The following NRG2 variants were observed in gnomAD, a reference collection of about 807,000 sequenced individuals.
NRG2 encodes pro-neuregulin-2, membrane-bound isoform.
A neutral mutation model predicts 73.9 loss-of-function variants in NRG2; 27 were observed. The ratio of observed to expected loss-of-function variants is 0.37; its 90% CI spans 0.27 to 0.50. The LOEUF (loss-of-function observed/expected upper bound fraction) is 0.50. Ranked by LOEUF, NRG2 falls within the 20% of genes least tolerant of loss-of-function variation. NRG2 has a pLI of 0.96. For missense variants in NRG2, 1,126 were observed against 1,210.1 expected (o/e 0.93, Z 1.03); for synonymous variants, 532 against 541.0 (o/e 0.98, Z 0.23).
rs1446395433 is a variant in NRG2, at chr5:139,868,511, T to C, written c.1113-2886A>G. Among the ~76,000 whole-genome samples, 5 of 151,806 alleles carry C rather than the reference T, an allele frequency of 3.3e-5. No homozygotes were observed. Among genetic ancestry groups the C allele is most frequent in the Non-Finnish European group, 7.4e-5 (5 of 67,964 alleles). On this transcript the variant is annotated intron_variant, in intron 4 of 9. Transcript: ENST00000361474. This position sits in a 1 kb window ranked among gnomAD's most constrained non-coding sequence, Gnocchi z 4.2. ...AGCCTTCCCAGCCTTTCCCACCAGG[T>C]CATCAGTTATGACTCTGGGGAAGGT...
intron 1 of NRG2, among the ~76,000 whole-genome samples, chr5:139,902,757 A>C (rs1764970222): frequency 6.6e-6 from 1 of 152,164 alleles, no homozygotes; most frequent in Admixed American, 6.5e-5. Context: ...AACCAAATCC[A>C]TAAATTTTCG....
intron 1 of NRG2, among the ~76,000 whole-genome samples, chr5:139,925,668 G>A (rs1411397737): frequency 6.6e-6 from 1 of 152,244 alleles, no homozygotes; most frequent in Non-Finnish European, 1.5e-5. Flanking sequence ...AACTGAGAGA[G>A]GGGAAAAGCA....
intron 1 of NRG2, among the ~76,000 whole-genome samples, chr5:139,929,786 G>A (rs1752329761): frequency 1.3e-5 from 2 of 152,156 alleles, no homozygotes; most frequent in Admixed American, 1.3e-4. Context: ...CCTTCCTCTG[G>A]CTGGGGCTTG....
chr5:139,990,001 G>T (rs1014933658), intron 1 of NRG2, among the ~76,000 whole-genome samples: 1 of 151,288 alleles, frequency 6.6e-6, no homozygotes. Context: ...TGTTAGCCAG[G>T]ATGGTCTTGA....
intron 2 of NRG2, among the ~76,000 whole-genome samples, chr5:139,886,988 G>T (rs1385727959): frequency 6.6e-6 from 1 of 152,236 alleles, no homozygotes; most frequent in African/African-American, 2.4e-5. Flanking sequence ...ATTGCCAAAT[G>T]TTGGGGCTTT....
chr5:139,898,618 C>G (rs1229401829), intron 1 of NRG2, among the ~76,000 whole-genome samples: 1 of 152,236 alleles, frequency 6.6e-6, no homozygotes, highest in Non-Finnish European at 1.5e-5. Context: ...TCACCACATG[C>G]ACATTCTGAT....
At chr5:139,998,532 A>C (rs1471401014) in intron 1 of NRG2, among the ~76,000 whole-genome samples, 1 of 152,176 alleles carries the variant, frequency 6.6e-6, no homozygotes, top group African/African-American at 2.4e-5. Context: ...CTGCAGGTGA[A>C]GATAGCCTGC....
chr5:139,865,627 T>C lies in NRG2; in HGVS notation c.1113-2A>G. The stretch of plus-strand genomic sequence containing the variant: ...TGTCCGAAGAATCCATTTGGACATC[T>C]GGAGAAGGAAAAGGGGAAAAATCAC... On this transcript the variant is annotated splice_acceptor_variant, in intron 4 of 9. Coordinates refer to ENST00000361474, the MANE Select transcript of NRG2 (RefSeq NM_004883.3). LOFTEE classifies it high-confidence loss of function. The surrounding 1 kb of genome is among the most constrained non-coding windows in gnomAD (Gnocchi z 5.2). The C allele has an allele frequency of 6.2e-7, 1 of 1,605,368 alleles. No individual in the cohort carries two copies. The highest frequency in any genetic ancestry group is 8.5e-7 in the Non-Finnish European group (1 of 1,177,634).
chr5:139,967,894 G>A (rs1755660047), intron 1 of NRG2, among the ~76,000 whole-genome samples: 2 of 152,140 alleles, frequency 1.3e-5, no homozygotes, highest in African/African-American at 2.4e-5. Flanking sequence ...GGGAGGCAGA[G>A]GTTGCAGTGA....
At chr5:139,994,441 G>C (rs1164426913) in intron 1 of NRG2, among the ~76,000 whole-genome samples, 1 of 152,214 alleles carries the variant, frequency 6.6e-6, no homozygotes, top group Non-Finnish European at 1.5e-5. Context: ...GAATTAAACA[G>C]TTCAGCATAT....
chr5:139,847,516 T>A lies in NRG2; in HGVS notation c.*401A>T. ...CCTCGCCCCCAACAGAACCCGCACC[T>A]CTTCTCTCCCAGCTGTCACTCTCAG... On this transcript the variant is annotated 3_prime_UTR_variant, in exon 10 of 10. Coordinates refer to ENST00000361474, the MANE Select transcript of NRG2 (RefSeq NM_004883.3). The A allele has an allele frequency of 1.9e-5, 1 of 53,994 alleles. No individual in the cohort carries two copies. Among genetic ancestry groups the A allele is most frequent in the Non-Finnish European group, 3.5e-5 (1 of 28,944 alleles). 3.3% of individuals were successfully genotyped at this position (53,994 alleles called of 1,614,324 possible). A position where few individuals can be genotyped will look rare whatever the true frequency, so the allele number is the denominator to read the frequency against.
At chr5:139,968,893 G>T (rs564074000) in intron 1 of NRG2, among the ~76,000 whole-genome samples, 3 of 152,242 alleles carry the variant, frequency 2.0e-5, no homozygotes, top group Non-Finnish European at 4.4e-5. Flanking sequence ...AGGGCACTCC[G>T]AGGCCGGTGC....
At position 139,848,254 on chromosome 5, in the gene NRG2, C is replaced by G. The variant is rs1330918999; in HGVS notation, c.2216G>C (p.Gly739Ala). Reference sequence around the variant, plus strand: ...GCGCGAGCGGCGCCAGCGCCGGGGCCCCGCCGACGTCCTGCGGGACGCACC... The same window carrying G: ...GCGCGAGCGGCGCCAGCGCCGGGGCGCCGCCGACGTCCTGCGGGACGCACC... ...ARGASRRTSA[G>A]PRRWRRSRLN... The change falls in exon 10 of 10, where the codon GGG becomes GCG. Residue 739 changes from glycine (G) to alanine (A), a missense_variant. Around this residue, in one of 3 missense-constraint regions of NRG2, gnomAD observed 402 missense variants for 357.8 expected, o/e 1.12. Coordinates refer to ENST00000361474, the MANE Select transcript of NRG2 (RefSeq NM_004883.3). 2 of 1,120,412 alleles carry G rather than the reference C, an allele frequency of 1.8e-6. No individual in the cohort carries two copies. Among genetic ancestry groups the G allele is most frequent in the African/African-American group, 3.3e-5 (2 of 59,982 alleles). The allele number at this position is 1,120,412 out of a possible 1,614,324, so 69.4% of individuals were successfully genotyped here. A position where few individuals can be genotyped will look rare whatever the true frequency, so the allele number is the denominator to read the frequency against.
chr5:140,042,834 CGGGCTGCG>C lies in NRG2; in HGVS notation c.228_235del (p.Ala77GlufsTer129), dbSNP rs776170533. 20 of 1,480,492 alleles carry C rather than the reference CGGGCTGCG, an allele frequency of 1.4e-5. No homozygotes were observed. Among genetic ancestry groups the C allele is most frequent in the South Asian group, 9.3e-5 (7 of 75,446 alleles). 91.7% of individuals were successfully genotyped at this position (1,480,492 alleles called of 1,614,324 possible). Reference sequence around the variant, plus strand: ...GGCTCGCGAACGGGCGGCGGCTCTCCGGGCTGCGGGGCTGCGGGGCTGCGGCTGTTGCT... The same window carrying C: ...GGCTCGCGAACGGGCGGCGGCTCTCCGGGCTGCGGGGCTGCGGCTGTTGCT... On this transcript the variant is annotated frameshift_variant, in exon 1 of 10. Coordinates refer to ENST00000361474, the MANE Select transcript of NRG2 (RefSeq NM_004883.3). LOFTEE classifies it high-confidence loss of function.
At position 140,040,646 on chromosome 5, in the gene NRG2, C is replaced by G. The variant is rs187834594; in HGVS notation, c.700+1724G>C. On this transcript the variant is annotated intron_variant, in intron 1 of 9. Transcript: ENST00000361474. Reference sequence around the variant, plus strand: ...TGCAAATGCAGGAGCAACTCACCAACAACCAAACAGAAGCTGTCCTTGGAC... The same window carrying G: ...TGCAAATGCAGGAGCAACTCACCAAGAACCAAACAGAAGCTGTCCTTGGAC... Among the ~76,000 whole-genome samples the G allele has an allele frequency of 3.1e-4, 47 of 152,298 alleles. No homozygotes were observed. In the East Asian group the frequency reaches 8.9e-3, roughly 29 times the overall value.
At chr5:139,864,942 G>T in intron 5 of NRG2, 1 of 700,702 alleles carries the variant, frequency 1.4e-6, no homozygotes, top group South Asian at 1.5e-5. Context: ...ACTGTGCCCA[G>T]GAGGTACAGC....
chr5:139,905,496 G>T (rs1458513209), intron 1 of NRG2, among the ~76,000 whole-genome samples: 1 of 152,242 alleles, frequency 6.6e-6, no homozygotes, highest in Admixed American at 6.5e-5. Context: ...CCTTAGGAGA[G>T]CCTGAAGCAG....
At chr5:140,041,337 T>C (rs934112901) in intron 1 of NRG2, among the ~76,000 whole-genome samples, 2 of 152,176 alleles carry the variant, frequency 1.3e-5, no homozygotes, top group African/African-American at 4.8e-5. Context: ...TTACACCAAA[T>C]ACTCCAGTGT....
Position 140,042,979 on chromosome 5 carries a change from CGCT to C in NRG2, c.88_90del (p.Ser30del), listed in dbSNP as rs557310960. ...CTGCTGCTGCTGCTGCTGCTCCTCT[CGCT>C]GCTGCTGCTGCTGCTGTCGCTGTAG... On this transcript the variant is annotated inframe_deletion, in exon 1 of 10. Coordinates refer to ENST00000361474, the MANE Select transcript of NRG2 (RefSeq NM_004883.3). The C allele has an allele frequency of 4.1e-4, 609 of 1,487,872 alleles. No individual in the cohort carries two copies. The highest frequency in any genetic ancestry group is 1.5e-3 in the East Asian group (62 of 40,190). 92.2% of individuals were successfully genotyped at this position (1,487,872 alleles called of 1,614,324 possible).
Sources: gnomAD v4.1 joint callset for allele counts (sites outside exome capture counted in the v4.1 genomes callset) on GRCh38, gnomAD v4.1.1 for gene constraint, gnomAD v4.1.1 regional missense constraint, Gnocchi (gnomAD v3.1) non-coding constraint, MANE v1.5 for transcripts, NCBI Gene and HGNC (gene_info 2026-07-23, HGNC 2026-07-21) for gene names.